The following SLC13A4 variants were observed in gnomAD, a reference collection of about 807,000 sequenced individuals.
SLC13A4 encodes solute carrier family 13 member 4.
SLC13A4 carries 28 observed loss-of-function variants against 72.7 expected under a neutral mutation model. The ratio of observed to expected loss-of-function variants is 0.39; its 90% CI spans 0.29 to 0.53. The LOEUF (loss-of-function observed/expected upper bound fraction) is 0.53. SLC13A4 is among the 20% of genes least tolerant of loss of function. The probability of loss-of-function intolerance (pLI) is 0.78; values close to 1 mark genes in which losing one functional copy is unlikely to be tolerated. For missense variants in SLC13A4, 653 were observed against 788.0 expected (o/e 0.83, Z 2.05); for synonymous variants, 312 against 325.5 (o/e 0.96, Z 0.45).
In SLC13A4 at chr7:135,711,960, T is replaced by TG. The variant is rs1563167346; in HGVS notation, c.229-3711dup. On this transcript the variant is annotated intron_variant, in intron 2 of 15. Transcript: ENST00000682651. Reference sequence around the variant, plus strand: ...AACCACTACACCTGGCTAATGTTTTTGGATTTTTTTTTTTTTTTTTTTTTT... The same window carrying TG: ...AACCACTACACCTGGCTAATGTTTTTGGGATTTTTTTTTTTTTTTTTTTTTT... 4.0e-4 allele frequency among the ~76,000 whole-genome samples: 57 copies of TG among 140,888 alleles called. 1 individual carries two copies. The highest frequency in any genetic ancestry group is 1.5e-3 in the African/African-American group (56 of 37,952). The allele number at this position is 140,888 out of a possible 152,430, so 92.4% of individuals were successfully genotyped here.
intron 2 of SLC13A4, among the ~76,000 whole-genome samples, chr7:135,720,554 T>TA (rs33993859): frequency 0.014 from 1,742 of 124,204 alleles, 13 homozygotes; most frequent in African/African-American, 0.019. Flanking sequence ...GCTTTTTCAT[T>TA]AAAAAAAAAA....
chr7:135,719,853 A>G (rs1009103178), intron 2 of SLC13A4, among the ~76,000 whole-genome samples: 1 of 144,042 alleles, frequency 6.9e-6, no homozygotes, highest in Admixed American at 6.9e-5. Flanking sequence ...GCATATATAT[A>G]TGTGTGTACA....
intron 9 of SLC13A4, 72 bp from the exon 10 acceptor site, chr7:135,694,310 A>G (rs1795855340): frequency 1.1e-6 from 1 of 914,582 alleles, no homozygotes; most frequent in East Asian, 2.4e-5. Flanking sequence ...TATTAGGTAA[A>G]TACTAAACCG....
intron 13 of SLC13A4, among the ~76,000 whole-genome samples, chr7:135,686,661 C>T (rs778208590): frequency 2.6e-5 from 4 of 152,170 alleles, no homozygotes; most frequent in African/African-American, 4.8e-5. Context: ...TGTGAGCCAC[C>T]GCACCTGGCC....
At chr7:135,715,441 G>A (rs1184027976) in intron 2 of SLC13A4, among the ~76,000 whole-genome samples, 3 of 150,880 alleles carry the variant, frequency 2.0e-5, no homozygotes, top group Non-Finnish European at 3.0e-5. Context: ...GTGTGTATGA[G>A]TGTGTGAATG....
chr7:135,692,577 TGAG>T (rs1795814254), intron 10 of SLC13A4, 153 bp from the exon 11 acceptor site: 3 of 605,208 alleles, frequency 5.0e-6, no homozygotes, highest in South Asian at 4.2e-5. Context: ...GACAGTGAGA[TGAG>T]GAGAAGACTG....
chr7:135,718,608 A>G (rs1796480230), intron 2 of SLC13A4, among the ~76,000 whole-genome samples: 1 of 152,190 alleles, frequency 6.6e-6, no homozygotes, highest in South Asian at 2.1e-4. Context: ...CTCATTGAGA[A>G]GGGATCAACA....
At chr7:135,721,671 G>A (rs1009970456) in intron 1 of SLC13A4, 148 bp from the exon 2 acceptor site, 22 of 922,102 alleles carry the variant, frequency 2.4e-5, no homozygotes, top group Non-Finnish European at 3.3e-5. Flanking sequence ...ACTGGCAGGC[G>A]AGCATGGTGA....
At chr7:135,722,964 C>T (rs1233861691) in intron 1 of SLC13A4, among the ~76,000 whole-genome samples, 1 of 152,192 alleles carries the variant, frequency 6.6e-6, no homozygotes. Flanking sequence ...ACATTTAGGG[C>T]CACATAGTTT....
chr7:135,686,628 T>G (rs1795631585), intron 13 of SLC13A4, among the ~76,000 whole-genome samples: 1 of 152,190 alleles, frequency 6.6e-6, no homozygotes, highest in African/African-American at 2.4e-5. Context: ...CACGTTGGTC[T>G]CCCAAAGTGC....
At chr7:135,708,005 A>G (rs1796207102) in intron 3 of SLC13A4, 109 bp downstream of exon 3, 2 of 1,399,934 alleles carry the variant, frequency 1.4e-6, no homozygotes, top group Non-Finnish European at 2.0e-6. Context: ...ACCCTTTGGT[A>G]AAAAAACAGC....
chr7:135,695,402 A>G lies in SLC13A4; in HGVS notation c.985T>C (p.Trp329Arg). The change falls in exon 9 of 16, where the codon TGG becomes CGG. Residue 329 changes from tryptophan (W) to arginine (R), a missense_variant. Transcript: ENST00000682651. The part of the protein sequence containing the change: ...PISLIMLVVS[W>R]FWMHWLFLGC... ...AGGAACAGCCAGTGCATCCAGAACCAGCTGACCACCAGCATGATGAGGGAT... is the reference window on the plus strand; with the variant it reads ...AGGAACAGCCAGTGCATCCAGAACCGGCTGACCACCAGCATGATGAGGGAT... 6.2e-7 allele frequency: 1 copy of G among 1,614,172 alleles called. No homozygotes were observed. The highest frequency in any genetic ancestry group is 8.5e-7 in the Non-Finnish European group (1 of 1,180,006).
At chr7:135,686,049 G>A (rs926988473) in intron 13 of SLC13A4, among the ~76,000 whole-genome samples, 5 of 152,202 alleles carry the variant, frequency 3.3e-5, no homozygotes, top group Admixed American at 3.3e-4. Context: ...CTTACCCTGT[G>A]CATTGATTCG....
intron 8 of SLC13A4, among the ~76,000 whole-genome samples, chr7:135,697,135 G>A (rs140097163): frequency 6.6e-6 from 1 of 152,264 alleles, no homozygotes; most frequent in Non-Finnish European, 1.5e-5. Flanking sequence ...GGACAGCAGA[G>A]CATTAAACCA....
intron 9 of SLC13A4, 147 bp downstream of exon 9, chr7:135,695,219 ACT>A: frequency 5.2e-6 from 5 of 959,946 alleles, no homozygotes; most frequent in Non-Finnish European, 1.5e-6. Context: ...ACAGCACCTG[ACT>A]CTCAGACCAG....
intron 10 of SLC13A4, 200 bp from the exon 11 acceptor site, chr7:135,692,624 C>T: frequency 1.8e-6 from 1 of 555,854 alleles, no homozygotes; most frequent in Non-Finnish European, 3.2e-6. Flanking sequence ...TAACCATGTT[C>T]CTGGAGAAAC....
At chr7:135,714,986 ATG>A (rs61642052) in intron 2 of SLC13A4, among the ~76,000 whole-genome samples, 2 of 150,828 alleles carry the variant, frequency 1.3e-5, no homozygotes, top group Non-Finnish European at 3.0e-5. Context: ...AAGTGTGTGT[ATG>A]TGTGTGTATA....
intron 1 of SLC13A4, among the ~76,000 whole-genome samples, chr7:135,725,039 C>T (rs947684677): frequency 1.3e-5 from 2 of 152,202 alleles, no homozygotes; most frequent in African/African-American, 4.8e-5. Context: ...TATTCTGCAA[C>T]CCCCAGGCTC....
At chr7:135,724,489 ACT>A (rs1313397308) in intron 1 of SLC13A4, among the ~76,000 whole-genome samples, 2 of 124,464 alleles carry the variant, frequency 1.6e-5, no homozygotes, top group Admixed American at 1.8e-4. Flanking sequence ...ACAGAGTGAG[ACT>A]CTGTCTCAGA....
Sources: allele counts gnomAD v4.1 joint callset (sites outside exome capture counted in the v4.1 genomes callset), GRCh38; gene constraint gnomAD v4.1.1; transcripts MANE v1.5; gene names NCBI Gene and HGNC (gene_info 2026-07-23, HGNC 2026-07-21).